Variants in CTNNA3 observed in about 807,000 individuals in gnomAD.
CTNNA3 encodes the protein catenin alpha 3, also known as catenin alpha-3.
Under a neutral mutation model 95.7 loss-of-function variants are expected in CTNNA3, and 76 were observed. The ratio of observed to expected loss-of-function variants is 0.79; its 90% CI spans 0.66 to 0.96. CTNNA3 has a LOEUF of 0.96. Ranked by LOEUF, CTNNA3 falls within the 40% of genes least tolerant of loss-of-function variation. The pLI, the probability that CTNNA3 is intolerant of heterozygous loss-of-function variation, is 0.00. For missense variants in CTNNA3, 1,191 were observed against 1,089.8 expected (o/e 1.09, Z -1.31); for synonymous variants, 431 against 374.4 (o/e 1.15, Z -1.74).
At chr10:66,625,332 T>C (rs1186543280) in intron 9 of CTNNA3, among the ~76,000 whole-genome samples, 2 of 152,132 alleles carry the variant, frequency 1.3e-5, no homozygotes, top group Non-Finnish European at 2.9e-5. Flanking sequence ...ATTCCTCAGC[T>C]GAACAATCAT....
At chr10:66,395,528 C>A (rs1012145383) in intron 11 of CTNNA3, among the ~76,000 whole-genome samples, 2 of 151,574 alleles carry the variant, frequency 1.3e-5, no homozygotes, top group East Asian at 2.0e-4. Flanking sequence ...TAAAAAAATA[C>A]AAGGCAAAAA....
At chr10:67,510,001 T>C (rs1256537564) in intron 5 of CTNNA3, among the ~76,000 whole-genome samples, 1 of 152,252 alleles carries the variant, frequency 6.6e-6, no homozygotes, top group Non-Finnish European at 1.5e-5. Flanking sequence ...TTTTGAAAAG[T>C]GTCTGTTCAT....
intron 1 of CTNNA3, among the ~76,000 whole-genome samples, chr10:67,725,987 T>C (rs1168534434): frequency 7.2e-6 from 1 of 138,498 alleles, no homozygotes; most frequent in Non-Finnish European, 1.5e-5. Flanking sequence ...TACTATATAC[T>C]ATATATTATA....
At chr10:66,279,118 G>A (rs1387091374) in intron 13 of CTNNA3, among the ~76,000 whole-genome samples, 2 of 151,968 alleles carry the variant, frequency 1.3e-5, no homozygotes, top group African/African-American at 2.4e-5. Flanking sequence ...TCTTTGTCTT[G>A]ACACCTTTAG....
chr10:67,014,547 C>T (rs370155332), intron 7 of CTNNA3, among the ~76,000 whole-genome samples: 4 of 152,168 alleles, frequency 2.6e-5, no homozygotes, highest in South Asian at 4.1e-4. Context: ...CCTATGATCT[C>T]TTTTATTTTG....
intron 3 of CTNNA3, among the ~76,000 whole-genome samples, chr10:67,569,213 T>A (rs1841907653): frequency 6.6e-6 from 1 of 152,128 alleles, no homozygotes; most frequent in South Asian, 2.1e-4. Context: ...AGACTTTTCT[T>A]TTAGTGCATT....
At chr10:66,771,820 G>T (rs4531354) in intron 8 of CTNNA3, among the ~76,000 whole-genome samples, 129,322 of 152,146 alleles carry the variant, frequency 0.85, 55,263 homozygotes, top group East Asian at 1. Flanking sequence ...GACTTAAAAT[G>T]CAGTGGGAAG....
intron 4 of CTNNA3, among the ~76,000 whole-genome samples, chr10:67,525,865 T>C (rs1314177875): frequency 2.6e-5 from 4 of 152,196 alleles, no homozygotes; most frequent in Non-Finnish European, 5.9e-5. Context: ...TCTTATTTAA[T>C]ATTTCATGCA....
chr10:66,199,606 G>GT (rs1041575972), intron 13 of CTNNA3, among the ~76,000 whole-genome samples: 4 of 149,992 alleles, frequency 2.7e-5, no homozygotes, highest in East Asian at 2.0e-4. Flanking sequence ...TTGTTTGTTT[G>GT]TTTTTTTGTT....
At chr10:65,949,301 A>G (rs1378659251) in intron 17 of CTNNA3, among the ~76,000 whole-genome samples, 1 of 152,218 alleles carries the variant, frequency 6.6e-6, no homozygotes, top group Non-Finnish European at 1.5e-5. Context: ...TTGGCAAGTT[A>G]TGTTCATTTA....
At chr10:67,580,143 G>C (rs1842331334) in intron 3 of CTNNA3, among the ~76,000 whole-genome samples, 2 of 152,284 alleles carry the variant, frequency 1.3e-5, no homozygotes, top group East Asian at 1.9e-4. Flanking sequence ...CCTATGTCCT[G>C]AATGGTACTG....
intron 5 of CTNNA3, among the ~76,000 whole-genome samples, chr10:67,350,277 TC>T (rs1328918476): frequency 2.6e-5 from 4 of 151,876 alleles, no homozygotes; most frequent in Admixed American, 1.3e-4. Flanking sequence ...CAGTAAAGGG[TC>T]ATGAACAAAT....
At position 66,655,477 on chromosome 10, in the gene CTNNA3, G is replaced by C. The variant is rs551659314; in HGVS notation, c.1282-33693C>G. On this transcript the variant is annotated intron_variant, in intron 9 of 17. Transcript: ENST00000433211. ...ATTATAATTATTAAAATACAACAAG[G>C]TATCTGGGATAGAAGCAAGACAGGT... is the stretch of plus-strand genomic sequence containing the variant. 5.3e-5 allele frequency among the ~76,000 whole-genome samples: 8 copies of C among 152,096 alleles called. No individual in the cohort carries two copies. In the East Asian group the frequency reaches 1.5e-3, roughly 29 times the overall value.
chr10:67,153,532 G>C (rs1267355477), intron 7 of CTNNA3, among the ~76,000 whole-genome samples: 1 of 152,186 alleles, frequency 6.6e-6, no homozygotes, highest in East Asian at 1.9e-4. Flanking sequence ...ATTTGCCCCA[G>C]GGCATAGAGA....
chr10:66,178,041 T>C (rs1407896270), intron 13 of CTNNA3, among the ~76,000 whole-genome samples: 1 of 151,876 alleles, frequency 6.6e-6, no homozygotes, highest in African/African-American at 2.4e-5. Flanking sequence ...TTATTTTTAA[T>C]GATATGATAC....
chr10:67,124,657 T>C (rs1859629623), intron 7 of CTNNA3, among the ~76,000 whole-genome samples: 1 of 152,202 alleles, frequency 6.6e-6, no homozygotes, highest in Non-Finnish European at 1.5e-5. Flanking sequence ...CAGAATTTAT[T>C]ACATATTTTT....
chr10:66,288,534 C>T (rs2091628078), intron 12 of CTNNA3, among the ~76,000 whole-genome samples: 2 of 152,024 alleles, frequency 1.3e-5, no homozygotes. Flanking sequence ...ACAGTGGCCA[C>T]CAGATATACG....
chr10:67,459,126 G>A (rs1252958424), intron 5 of CTNNA3, among the ~76,000 whole-genome samples: 1 of 152,114 alleles, frequency 6.6e-6, no homozygotes, highest in Non-Finnish European at 1.5e-5. Context: ...TATATTCCAT[G>A]TTCAATATAT....
intron 7 of CTNNA3, among the ~76,000 whole-genome samples, chr10:66,928,746 A>T (rs941981587): frequency 1.3e-5 from 2 of 152,230 alleles, no homozygotes; most frequent in African/African-American, 2.4e-5. Flanking sequence ...TTAATGTCGC[A>T]TTTGTTTTAA....
Sources: allele counts gnomAD v4.1 joint callset (sites outside exome capture counted in the v4.1 genomes callset), GRCh38; gene constraint gnomAD v4.1.1; transcripts MANE v1.5; gene names NCBI Gene and HGNC (gene_info 2026-07-23, HGNC 2026-07-21).